The following CDK12 variants were observed in gnomAD, a reference collection of about 807,000 sequenced individuals.
The protein encoded by CDK12 is cyclin-dependent kinase 12.
In CDK12, 17 loss-of-function variants were observed where a neutral mutation model predicts 133.8. That is an observed-to-expected ratio of 0.13 (90% CI 0.09 to 0.19). The LOEUF (loss-of-function observed/expected upper bound fraction) is 0.19. Ranked by LOEUF, CDK12 falls within the 10% of genes least tolerant of loss-of-function variation. The pLI, the probability that CDK12 is intolerant of heterozygous loss-of-function variation, is 1.00. For missense variants in CDK12, 1,508 were observed against 1,818.7 expected, an observed-to-expected ratio of 0.83 and a Z score of 3.11; for synonymous variants, 694 against 683.6, an observed-to-expected ratio of 1.02 and a Z score of -0.24.
chr17:39,464,404 C>CT (rs61135804), intron 1 of CDK12, among the ~76,000 whole-genome samples: 14,403 of 136,374 alleles, frequency 0.11, 792 homozygotes, highest in African/African-American at 0.15. Context: ...TTTTCTTTTT[C>CT]TTTTTTTTTT....
At chr17:39,537,344 C>T (rs2055179135), downstream of CDK12, among the ~76,000 whole-genome samples, 1 of 152,094 alleles carries the variant, frequency 6.6e-6, no homozygotes, top group Non-Finnish European at 1.5e-5. Flanking sequence ...CTAAAGAAAG[C>T]TTAGTAGCCT....
intron 5 of CDK12, among the ~76,000 whole-genome samples, chr17:39,497,035 A>G (rs2145977728): frequency 6.9e-6 from 1 of 144,848 alleles, no homozygotes; most frequent in South Asian, 2.1e-4. Context: ...GGTTCAAGTG[A>G]TTCTCCTGCC....
chr17:39,503,759 A>G (rs1379079998), intron 6 of CDK12, among the ~76,000 whole-genome samples: 2 of 152,106 alleles, frequency 1.3e-5, no homozygotes, highest in Non-Finnish European at 2.9e-5. Context: ...AGCTCTGTCT[A>G]CTCAGACCTG....
At chr17:39,477,522 G>A (rs144031067) in intron 2 of CDK12, among the ~76,000 whole-genome samples, 1,961 of 151,676 alleles carry the variant, frequency 0.013, 18 homozygotes, top group Non-Finnish European at 0.02. Context: ...ACAGACGTGA[G>A]CCACTGTGCC....
Position 39,531,409 on chromosome 17 carries a change from G to A in CDK12, c.*93G>A, listed in dbSNP as rs1288411225. 7 of 1,235,346 alleles carry A rather than the reference G, an allele frequency of 5.7e-6. No individual in the cohort carries two copies. The highest frequency in any genetic ancestry group is 7.4e-6 in the Non-Finnish European group (7 of 950,940). The allele number at this position is 1,235,346 out of a possible 1,614,324, so 76.5% of individuals were successfully genotyped here. A position where few individuals can be genotyped will look rare whatever the true frequency, so the allele number is the denominator to read the frequency against. On this transcript the variant is annotated 3_prime_UTR_variant, in exon 14 of 14. Coordinates refer to ENST00000447079, the MANE Select transcript of CDK12 (RefSeq NM_016507.4). ...TAATGAAATCATTTGCCAGAGCGAG[G>A]TAATCATCTGCATTTGGCTACTGCA...
chr17:39,565,271 GC>G (rs2036995121), downstream of CDK12, among the ~76,000 whole-genome samples: 1 of 152,056 alleles, frequency 6.6e-6, no homozygotes, highest in African/African-American at 2.4e-5. Flanking sequence ...CCGCCACCAC[GC>G]CCAGCTAATT....
intron 6 of CDK12, among the ~76,000 whole-genome samples, chr17:39,508,774 C>T (rs1173932241): frequency 6.6e-6 from 1 of 152,110 alleles, no homozygotes; most frequent in Non-Finnish European, 1.5e-5. Context: ...GAGGGAGGAT[C>T]ACTTGAGCAC....
At position 39,533,740 on chromosome 17, in the gene CDK12, A is replaced by C. The variant is rs1357214258; in HGVS notation, c.*2424A>C. 8.6e-6 allele frequency: 2 copies of C among 232,746 alleles called. No homozygotes were observed. Among genetic ancestry groups the C allele is most frequent in the Non-Finnish European group, 8.5e-6 (1 of 117,766 alleles). 14.4% of individuals were successfully genotyped at this position (232,746 alleles called of 1,614,324 possible). On this transcript the variant is annotated 3_prime_UTR_variant, in exon 14 of 14. Coordinates refer to ENST00000447079, the MANE Select transcript of CDK12 (RefSeq NM_016507.4). ...ATCTCACCCCCACCCCCATTTTGGG[A>C]GTCTTTTAAAATGAAAACAAAGTTT...
chr17:39,476,716 T>TTTTTTTTTC (rs71147341), intron 2 of CDK12, among the ~76,000 whole-genome samples: 2,552 of 100,782 alleles, frequency 0.025, 246 homozygotes, highest in African/African-American at 0.1. Context: ...CCTGCCTTTT[T>TTTTTTTTTC]TTTTTTTTTT....
rs987537182 is a variant in CDK12, at chr17:39,461,830, T to A, written c.-242T>A. The A allele has an allele frequency of 1.8e-6, 1 of 553,046 alleles. No homozygotes were observed. The highest frequency in any genetic ancestry group is 3.2e-6 in the Non-Finnish European group (1 of 308,416). The allele number at this position is 553,046 out of a possible 1,614,324, so 34.3% of individuals were successfully genotyped here. A position where few individuals can be genotyped will look rare whatever the true frequency, so the allele number is the denominator to read the frequency against. ...GAAACAGACTTGAGCAGCTCCCCGT[T>A]GTCTCGCAACTCCACTGCCGAGGAA... On this transcript the variant is annotated 5_prime_UTR_variant, in exon 1 of 14. Coordinates refer to ENST00000447079, the MANE Select transcript of CDK12 (RefSeq NM_016507.4).
chr17:39,538,646 C>G (rs1447547780), downstream of CDK12, among the ~76,000 whole-genome samples: 2 of 152,296 alleles, frequency 1.3e-5, no homozygotes, highest in Non-Finnish European at 2.9e-5. Flanking sequence ...CGCCTGTAAT[C>G]CCAGCACTTT....
chr17:39,463,124 T>C lies in CDK12; in HGVS notation c.1046+7T>C. 6.2e-7 allele frequency: 1 copy of C among 1,611,618 alleles called. No individual in the cohort carries two copies. The highest frequency in any genetic ancestry group is 8.5e-7 in the Non-Finnish European group (1 of 1,178,542). On this transcript the variant is annotated splice_region_variant and intron_variant, in intron 1 of 13. Transcript: ENST00000447079. ...GTCGGAGTCCACTCCCCAGGTGAGCTATTTGTCTAACAGTCCTTCCTCATT... is the reference window on the plus strand; with the variant it reads ...GTCGGAGTCCACTCCCCAGGTGAGCCATTTGTCTAACAGTCCTTCCTCATT...
Position 39,532,087 on chromosome 17 carries a change from GCTCTCTCTCTCTCTTTCTCTCTCTCTCT to G in CDK12, c.*786_*813del. On this transcript the variant is annotated 3_prime_UTR_variant, in exon 14 of 14. Coordinates refer to ENST00000447079, the MANE Select transcript of CDK12 (RefSeq NM_016507.4). ...TCTCTTTCCTTTTTTGCTGATGTGT[GCTCTCTCTCTCTCTTTCTCTCTCTCTCT>G]CTCTCTCTCTCTCTCTCTCTCTCTC... The G allele has an allele frequency of 5.1e-6, 1 of 196,386 alleles. No homozygotes were observed. The highest frequency in any genetic ancestry group is 9.5e-6 in the Non-Finnish European group (1 of 105,308). The allele number at this position is 196,386 out of a possible 1,614,324, so 12.2% of individuals were successfully genotyped here.
chr17:39,470,980 G>A lies in CDK12; in HGVS notation c.1148G>A (p.Ser383Asn). The change falls in exon 2 of 14, where the codon AGT becomes AAT. Residue 383 changes from serine (S) to asparagine (N), a missense_variant. Ser to Asn is a conservative substitution (Grantham distance 46). Coordinates refer to ENST00000447079, the MANE Select transcript of CDK12 (RefSeq NM_016507.4). Reference sequence around the variant, plus strand: ...TCCAGTTCACGCAGTCGTCATTCCAGTATCTCACCTGTCAGGCTTCCACTT... The same window carrying A: ...TCCAGTTCACGCAGTCGTCATTCCAATATCTCACCTGTCAGGCTTCCACTT... ...KRSSSRSRHS[S>N]ISPVRLPLNS... 2 of 1,614,102 alleles carry A rather than the reference G, an allele frequency of 1.2e-6. No individual in the cohort carries two copies. The highest frequency in any genetic ancestry group is 1.7e-6 in the Non-Finnish European group (2 of 1,180,008).
intron 1 of CDK12, among the ~76,000 whole-genome samples, chr17:39,468,141 C>T (rs1007911565): frequency 2.5e-4 from 38 of 152,048 alleles, no homozygotes; most frequent in Non-Finnish European, 5.3e-4. Context: ...GTGATCCACC[C>T]GCCTCAGCCT....
chr17:39,564,478 G>A (rs1222841478), intron 3 of CDK12, among the ~76,000 whole-genome samples: 1 of 152,178 alleles, frequency 6.6e-6, no homozygotes, highest in Non-Finnish European at 1.5e-5. Context: ...CCTGGGGAAA[G>A]GGCTGGTCTT....
chr17:39,550,588 T>C (rs1388107939), intron 1 of CDK12: 3 of 152,224 alleles, frequency 2.0e-5, no homozygotes, highest in South Asian at 2.1e-4. Flanking sequence ...CCAGAGACTA[T>C]GGAGAGACGG....
In CDK12 at chr17:39,471,772, T is replaced by C; in HGVS notation, c.1931+9T>C. On this transcript the variant is annotated intron_variant, in intron 2 of 13. Coordinates refer to ENST00000447079, the MANE Select transcript of CDK12 (RefSeq NM_016507.4). ...GATGATGACATGGATAGGTAAGTCC[T>C]ATAGTGAACTGGAAAAAACCCCCTT... 1 of 1,587,108 alleles carries C rather than the reference T, an allele frequency of 6.3e-7. No homozygotes were observed. The highest frequency in any genetic ancestry group is 8.6e-7 in the Non-Finnish European group (1 of 1,165,676).
chr17:39,510,851 G>T (rs949346005), intron 7 of CDK12, among the ~76,000 whole-genome samples: 2 of 150,158 alleles, frequency 1.3e-5, no homozygotes, highest in Admixed American at 6.6e-5. Context: ...GACCTTAGGT[G>T]ATCTGCCTGG....
Sources: allele counts gnomAD v4.1 joint callset (sites outside exome capture counted in the v4.1 genomes callset), GRCh38; gene constraint gnomAD v4.1.1; transcripts MANE v1.5; gene names NCBI Gene and HGNC (gene_info 2026-07-23, HGNC 2026-07-21).